The following CNTNAP2 variants were observed in gnomAD, a reference collection of about 807,000 sequenced individuals.
CNTNAP2 encodes the protein contactin-associated protein-like 2.
In CNTNAP2, 98 loss-of-function variants were observed where a neutral mutation model predicts 155.2. The ratio of observed to expected loss-of-function variants is 0.63; its 90% CI spans 0.54 to 0.75. The LOEUF (loss-of-function observed/expected upper bound fraction) is 0.75, where lower values mean the gene tolerates loss of function less well. Among genes scored for constraint, CNTNAP2 ranks in the 30% least tolerant of loss-of-function variants. The pLI is 0.00. For synonymous variants in CNTNAP2, 651 were observed against 631.2 expected (o/e 1.03, Z -0.47); for missense variants, 1,727 against 1,688.1 (o/e 1.02, Z -0.40).
At chr7:147,714,485 C>G (rs985679110) in intron 13 of CNTNAP2, among the ~76,000 whole-genome samples, 3 of 151,472 alleles carry the variant, frequency 2.0e-5, no homozygotes, top group African/African-American at 7.3e-5. Flanking sequence ...CAAGAGGGAG[C>G]AAGAATTGTG....
intron 1 of CNTNAP2, among the ~76,000 whole-genome samples, chr7:146,773,826 T>A (rs1478409794): frequency 6.6e-6 from 1 of 152,222 alleles, no homozygotes; most frequent in Non-Finnish European, 1.5e-5. Context: ...ATTTTATACG[T>A]GTTGGTTAGC....
chr7:146,759,106 C>T (rs869221115), intron 1 of CNTNAP2, among the ~76,000 whole-genome samples: 1 of 151,914 alleles, frequency 6.6e-6, no homozygotes, highest in African/African-American at 2.4e-5. Flanking sequence ...TTCATAAAAT[C>T]TGTCTGAAAA....
chr7:147,874,955 A>T (rs1290165161), intron 13 of CNTNAP2, among the ~76,000 whole-genome samples: 1 of 152,142 alleles, frequency 6.6e-6, no homozygotes, highest in Non-Finnish European at 1.5e-5. Flanking sequence ...CAAGTTCCTT[A>T]TCTCCATCTG....
intron 12 of CNTNAP2, among the ~76,000 whole-genome samples, chr7:147,624,468 C>T (rs1794932606): frequency 6.6e-6 from 1 of 152,072 alleles, no homozygotes; most frequent in African/African-American, 2.4e-5. Flanking sequence ...AGACATTTCT[C>T]AAAAGAAGAC....
intron 3 of CNTNAP2, among the ~76,000 whole-genome samples, chr7:146,843,649 G>A (rs1803787342): frequency 1.4e-5 from 2 of 147,062 alleles, no homozygotes. Context: ...AAGAGTTAAA[G>A]TTCGTTGACT....
At chr7:146,739,079 A>G (rs558699289) in intron 1 of CNTNAP2, among the ~76,000 whole-genome samples, 2 of 152,002 alleles carry the variant, frequency 1.3e-5, no homozygotes, top group South Asian at 2.1e-4. Flanking sequence ...TTCTAAAAAA[A>G]TCAACTCTTA....
intron 1 of CNTNAP2, among the ~76,000 whole-genome samples, chr7:146,543,803 A>G (rs576240698): frequency 6.6e-6 from 1 of 152,066 alleles, no homozygotes; most frequent in South Asian, 2.1e-4. Flanking sequence ...CCTTTAGTTC[A>G]GGCCTGATGA....
At chr7:147,278,491 T>A (rs1804953868) in intron 8 of CNTNAP2, among the ~76,000 whole-genome samples, 1 of 151,688 alleles carries the variant, frequency 6.6e-6, no homozygotes, top group Non-Finnish European at 1.5e-5. Context: ...GGGGACAAAA[T>A]TATTCTTATT....
chr7:146,365,720 CT>C (rs1795146153), intron 1 of CNTNAP2, among the ~76,000 whole-genome samples: 1 of 152,114 alleles, frequency 6.6e-6, no homozygotes, highest in Non-Finnish European at 1.5e-5. Flanking sequence ...GTTGTGTTTT[CT>C]TTAAATTAAT....
intron 13 of CNTNAP2, among the ~76,000 whole-genome samples, chr7:147,773,623 A>G (rs1331582551): frequency 6.6e-6 from 1 of 152,226 alleles, no homozygotes; most frequent in Non-Finnish European, 1.5e-5. Context: ...ACCTTCTAGA[A>G]ACTTCCAATC....
intron 10 of CNTNAP2, among the ~76,000 whole-genome samples, chr7:147,426,875 T>C (rs1004435548): frequency 2.6e-5 from 4 of 152,120 alleles, no homozygotes; most frequent in Non-Finnish European, 5.9e-5. Context: ...ATCCTGTAAA[T>C]ATAAGTGACA....
chr7:146,886,884 C>T (rs1425031340), intron 3 of CNTNAP2, among the ~76,000 whole-genome samples: 1 of 151,552 alleles, frequency 6.6e-6, no homozygotes, highest in Non-Finnish European at 1.5e-5. Flanking sequence ...TTTCAAGCAA[C>T]TCTTCTTGCT....
chr7:146,577,557 A>G (rs1798544706), intron 1 of CNTNAP2, among the ~76,000 whole-genome samples: 1 of 152,116 alleles, frequency 6.6e-6, no homozygotes, highest in Non-Finnish European at 1.5e-5. Context: ...TAATTTTAAA[A>G]TACGTATTCA....
intron 8 of CNTNAP2, among the ~76,000 whole-genome samples, chr7:147,219,751 C>T (rs372804125): frequency 1.5e-4 from 23 of 152,230 alleles, no homozygotes; most frequent in Admixed American, 7.9e-4. Context: ...TTAATCCACT[C>T]ATGAGAGCAA....
intron 8 of CNTNAP2, among the ~76,000 whole-genome samples, chr7:147,238,426 C>CAG (rs1554455979): frequency 2.0e-5 from 3 of 151,468 alleles, no homozygotes; most frequent in Non-Finnish European, 4.4e-5. Context: ...CACACACACA[C>CAG]AGATTTTATC....
intron 15 of CNTNAP2, among the ~76,000 whole-genome samples, chr7:148,024,248 A>G (rs1802337950): frequency 6.6e-6 from 1 of 151,282 alleles, no homozygotes; most frequent in Non-Finnish European, 1.5e-5. Flanking sequence ...TCCAGACACC[A>G]CAAGTAGTTA....
At chr7:147,103,193 G>A (rs1421668687) in intron 4 of CNTNAP2, among the ~76,000 whole-genome samples, 1 of 152,078 alleles carries the variant, frequency 6.6e-6, no homozygotes, top group Non-Finnish European at 1.5e-5. Context: ...TAAGTGCTGG[G>A]CTTTAGAATG....
chr7:146,342,102 A>T (rs1404161506), intron 1 of CNTNAP2, among the ~76,000 whole-genome samples: 1 of 152,144 alleles, frequency 6.6e-6, no homozygotes, highest in African/African-American at 2.4e-5. Flanking sequence ...GTTGAGTCAG[A>T]TTATGCTTGC....
chr7:146,621,536 T>C (rs1173745476), intron 1 of CNTNAP2, among the ~76,000 whole-genome samples: 1 of 152,188 alleles, frequency 6.6e-6, no homozygotes, highest in Non-Finnish European at 1.5e-5. Flanking sequence ...TGAGGAGTAC[T>C]AGTCAGGTAT....
Sources: gnomAD v4.1 joint callset for allele counts (sites outside exome capture counted in the v4.1 genomes callset) on GRCh38, gnomAD v4.1.1 for gene constraint, MANE v1.5 for transcripts, NCBI Gene and HGNC (gene_info 2026-07-23, HGNC 2026-07-21) for gene names.